Variants in IARS1 observed in about 807,000 individuals in gnomAD.
The protein encoded by IARS1 is isoleucine--tRNA ligase, cytoplasmic.
A neutral mutation model predicts 168.2 loss-of-function variants in IARS1; 124 were observed. The observed-to-expected ratio is 0.74, with a 90% CI of 0.64 to 0.86. The LOEUF (loss-of-function observed/expected upper bound fraction) is 0.86, where lower values mean the gene tolerates loss of function less well. Ranked by LOEUF, IARS1 falls within the 40% of genes least tolerant of loss-of-function variation. The pLI is 0.00. For synonymous variants in IARS1, 532 were observed against 529.4 expected, an observed-to-expected ratio of 1.00 and a Z score of -0.07; for missense variants, 1,452 against 1,515.8, an observed-to-expected ratio of 0.96 and a Z score of 0.70.
At chr9:92,256,456 T>A (rs775195059) in intron 20 of IARS1, 6 of 286,410 alleles carry the variant, frequency 2.1e-5, no homozygotes, top group Non-Finnish European at 1.9e-5. Flanking sequence ...CCCAAAATGC[T>A]GGGGATTACA....
At position 92,249,845 on chromosome 9, in the gene IARS1, T is replaced by A; in HGVS notation, c.2616+13A>T. ...TCTATCTGTACCAAAAACAGACAAATCATCTACCTTACCTCAATGATATAC... is the reference window on the plus strand; with the variant it reads ...TCTATCTGTACCAAAAACAGACAAAACATCTACCTTACCTCAATGATATAC... On this transcript the variant is annotated intron_variant, in intron 25 of 33. Coordinates refer to ENST00000443024, the MANE Select transcript of IARS1 (RefSeq NM_002161.6). 7.0e-7 allele frequency: 1 copy of A among 1,438,786 alleles called. No individual in the cohort carries two copies. Among genetic ancestry groups the A allele is most frequent in the Non-Finnish European group, 9.7e-7 (1 of 1,029,276 alleles). The allele number at this position is 1,438,786 out of a possible 1,614,324, so 89.1% of individuals were successfully genotyped here.
intron 31 of IARS1, among the ~76,000 whole-genome samples, chr9:92,227,115 G>T (rs1449197327): frequency 7.3e-6 from 1 of 136,986 alleles, no homozygotes; most frequent in Non-Finnish European, 1.6e-5. Context: ...AGAGCACAGG[G>T]TTGGGGGTAA....
chr9:92,290,310 T>C (rs2134010219), intron 1 of IARS1, among the ~76,000 whole-genome samples: 1 of 152,362 alleles, frequency 6.6e-6, no homozygotes, highest in East Asian at 1.9e-4. Flanking sequence ...CTAATGATGC[T>C]GAGCATCTTT....
intron 16 of IARS1, among the ~76,000 whole-genome samples, chr9:92,264,195 C>A (rs746476996): frequency 3.3e-5 from 5 of 151,914 alleles, no homozygotes; most frequent in Non-Finnish European, 7.4e-5. Context: ...ATTAGCTGGG[C>A]ATGGTGGTGC....
intron 25 of IARS1, among the ~76,000 whole-genome samples, chr9:92,248,652 C>CACAAAA (rs1554726325): frequency 2.1e-5 from 1 of 46,746 alleles, no homozygotes; most frequent in Non-Finnish European, 4.3e-5. Context: ...GACCCTGTCA[C>CACAAAA]AAAAAAAAAA....
rs771829115 is a variant in IARS1 at position 92,262,988 on chromosome 9, T to A, written c.1768A>T (p.Asn590Tyr). ...GQPPFKNVIV[N>Y]GLVLASDGQK... is the part of the protein sequence containing the mutation. ...ACCTACCTTGCCAGGACAAGCCCAT[T>A]CACAATTACGTTCTTGAAAGGCGGT... The change falls in exon 17 of 34, where the codon AAT becomes TAT. Residue 590 changes from asparagine (N) to tyrosine (Y), a missense_variant. Asn to Tyr is a moderately radical substitution (Grantham distance 143). Transcript: ENST00000443024. 1 of 1,613,718 alleles carries A rather than the reference T, an allele frequency of 6.2e-7. No individual in the cohort carries two copies.
chr9:92,267,270 T>G (rs1290963341), intron 14 of IARS1, among the ~76,000 whole-genome samples: 1 of 152,172 alleles, frequency 6.6e-6, no homozygotes, highest in African/African-American at 2.4e-5. Context: ...TGAACACTGG[T>G]GGCCTCTTTC....
intron 9 of IARS1, among the ~76,000 whole-genome samples, chr9:92,277,126 C>A (rs996033767): frequency 6.6e-6 from 1 of 152,072 alleles, no homozygotes; most frequent in South Asian, 2.1e-4. Context: ...AAAATATACA[C>A]CTAAAAATCC....
Position 92,278,218 on chromosome 9 carries a change from C to T in IARS1, c.814G>A (p.Asp272Asn). 3.7e-6 allele frequency: 6 copies of T among 1,605,014 alleles called. No individual in the cohort carries two copies. Among genetic ancestry groups the T allele is most frequent in the Non-Finnish European group, 5.1e-6 (6 of 1,171,670 alleles). ...ATTCACCTTTCAAGGATCTCATAGT[C>T]ACTCTCCAATTTATAGAGGGCTGAC... is the stretch of plus-strand genomic sequence containing the variant. ...RLSALYKLES[D>N]YEILERFPGA... Residue 272 changes from aspartate to asparagine, a missense_variant, in exon 8 of 34, where the codon GAC becomes AAC. Asp to Asn is a conservative substitution (Grantham distance 23). Transcript: ENST00000443024.
Position 92,286,553 on chromosome 9 carries a change from T to C in IARS1, c.462A>G (p.Gln154=). The C allele has an allele frequency of 1.3e-6, 2 of 1,584,722 alleles. No homozygotes were observed. Among genetic ancestry groups the C allele is most frequent in the Non-Finnish European group, 1.7e-6 (2 of 1,153,612 alleles). Residue 154 remains glutamine (Q), a synonymous_variant, in exon 5 of 34, where the codon CAA becomes CAG. Transcript: ENST00000443024. The part of the protein sequence containing the change: ...FDNDYKTLYP[Q]FMESVWWVFK... ...AAACCTACCAGACTGATTCCATGAATTGTGGATACAGAGTTTTATAGTCAT... is the reference window on the plus strand; with the variant it reads ...AAACCTACCAGACTGATTCCATGAACTGTGGATACAGAGTTTTATAGTCAT...
chr9:92,247,524 A>G lies in IARS1; in HGVS notation c.2644T>C (p.Ser882Pro), dbSNP rs1829391545. Residue 882 changes from serine to proline, a missense_variant, in exon 26 of 34, where the codon TCT (serine) becomes CCT (proline). Coordinates refer to ENST00000443024, the MANE Select transcript of IARS1 (RefSeq NM_002161.6). ...EELNVRKVTL[S>P]TDKNKYGIRL... ...ATGCCATACTTGTTTTTATCTGTAG[A>G]CAGTGTAACTTTTCGAACATTGAGT... 6 of 1,614,002 alleles carry G rather than the reference A, an allele frequency of 3.7e-6. No homozygotes were observed. The East Asian group carries it at 1.3e-4, about 36-fold the overall frequency.
chr9:92,262,193 A>G (rs1022748246), intron 17 of IARS1, among the ~76,000 whole-genome samples: 1 of 152,126 alleles, frequency 6.6e-6, no homozygotes, highest in Non-Finnish European at 1.5e-5. Flanking sequence ...CAGATTCCTC[A>G]AAGGTCACAA....
At chr9:92,254,440 T>G (rs1232181823) in intron 20 of IARS1, among the ~76,000 whole-genome samples, 1 of 152,222 alleles carries the variant, frequency 6.6e-6, no homozygotes, top group Non-Finnish European at 1.5e-5. Context: ...TTAATGAGGC[T>G]TCTGGTCTAA....
chr9:92,264,896 TAAAAC>T (rs1334715093), intron 16 of IARS1, 28 bp downstream of exon 16: 9 of 1,567,904 alleles, frequency 5.7e-6, no homozygotes, highest in Non-Finnish European at 7.8e-6. Context: ...ATAAAATCAA[TAAAAC>T]ACGTGATGAA....
At chr9:92,280,201 G>T (rs1390795253) in intron 7 of IARS1, among the ~76,000 whole-genome samples, 1 of 152,204 alleles carries the variant, frequency 6.6e-6, no homozygotes, top group African/African-American at 2.4e-5. Flanking sequence ...TCAGCTTTTT[G>T]AAGAAATGTC....
intron 2 of IARS1, among the ~76,000 whole-genome samples, chr9:92,288,971 G>C (rs899618508): frequency 6.6e-6 from 1 of 152,032 alleles, no homozygotes; most frequent in African/African-American, 2.4e-5. Context: ...CACTTTGAGA[G>C]GCCGAGGTGG....
intron 20 of IARS1, among the ~76,000 whole-genome samples, chr9:92,256,147 C>G (rs1357769400): frequency 6.6e-6 from 1 of 151,440 alleles, no homozygotes; most frequent in Non-Finnish European, 1.5e-5. Context: ...GCATTGAGAC[C>G]ACGAGGACAC....
At chr9:92,250,661 G>A in intron 23 of IARS1, 52 bp downstream of exon 23, 2 of 1,498,074 alleles carry the variant, frequency 1.3e-6, no homozygotes, top group Non-Finnish European at 9.0e-7. Context: ...ACATGCTTGA[G>A]CAACTCTCCC....
chr9:92,277,310 A>G (rs1833901730), intron 9 of IARS1, among the ~76,000 whole-genome samples: 1 of 152,098 alleles, frequency 6.6e-6, no homozygotes, highest in South Asian at 2.1e-4. Context: ...CTGTAATCCC[A>G]GCTGCTCGGG....
Sources: allele counts gnomAD v4.1 joint callset (sites outside exome capture counted in the v4.1 genomes callset), GRCh38; gene constraint gnomAD v4.1.1; transcripts MANE v1.5; gene names NCBI Gene and HGNC (gene_info 2026-07-23, HGNC 2026-07-21).